Variants in CACNA1A observed in about 807,000 individuals in gnomAD.
CACNA1A encodes the protein voltage-dependent P/Q-type calcium channel subunit alpha-1A.
A neutral mutation model predicts 262.4 loss-of-function variants in CACNA1A; 57 were observed. The ratio of observed to expected loss-of-function variants is 0.22; its 90% CI spans 0.18 to 0.27. The LOEUF is 0.27. Among genes scored for constraint, CACNA1A ranks in the 10% least tolerant of loss-of-function variants. The probability of loss-of-function intolerance (pLI) is 1.00; values close to 1 mark genes in which losing one functional copy is unlikely to be tolerated. For missense variants in CACNA1A, 2,526 were observed against 3,562.8 expected (o/e 0.71, Z 7.41); for synonymous variants, 1,431 against 1,419.3 (o/e 1.01, Z -0.18).
intron 3 of CACNA1A, among the ~76,000 whole-genome samples, chr19:13,430,320 C>G (rs533296750): frequency 2.0e-5 from 3 of 152,214 alleles, no homozygotes; most frequent in African/African-American, 7.2e-5. Context: ...GATTCTCCTG[C>G]CTCAGCCTCT....
chr19:13,477,203 C>T (rs1978653757), intron 1 of CACNA1A, among the ~76,000 whole-genome samples: 1 of 152,226 alleles, frequency 6.6e-6, no homozygotes, highest in African/African-American at 2.4e-5. Flanking sequence ...ACAGCTTCCT[C>T]AAGTCTTGGC....
At chr19:13,498,607 G>A (rs1174705173) in intron 1 of CACNA1A, among the ~76,000 whole-genome samples, 2 of 152,194 alleles carry the variant, frequency 1.3e-5, no homozygotes, top group East Asian at 1.9e-4. Context: ...TGACCGAAGC[G>A]AGATGTCAAA....
At chr19:13,464,345 G>C (rs1159410443) in intron 1 of CACNA1A, among the ~76,000 whole-genome samples, 1 of 152,108 alleles carries the variant, frequency 6.6e-6, no homozygotes, top group African/African-American at 2.4e-5. Flanking sequence ...GCTGCATTGA[G>C]CTATGATCAT....
intron 17 of CACNA1A, among the ~76,000 whole-genome samples, chr19:13,302,248 G>T (rs998546170): frequency 6.6e-6 from 1 of 152,122 alleles, no homozygotes; most frequent in Non-Finnish European, 1.5e-5. Context: ...TTTCTCTGTT[G>T]TGTTTATCAC....
intron 34 of CACNA1A, chr19:13,234,676 A>C: frequency 2.0e-6 from 1 of 507,118 alleles, no homozygotes; most frequent in Non-Finnish European, 3.6e-6. Context: ...GGCCACCCCC[A>C]CACCAGAAAA....
chr19:13,499,019 T>A (rs988509860), intron 1 of CACNA1A, among the ~76,000 whole-genome samples: 1 of 152,078 alleles, frequency 6.6e-6, no homozygotes, highest in African/African-American at 2.4e-5. Flanking sequence ...TTTTTCCTAT[T>A]TTTTTAGGGA....
intron 3 of CACNA1A, among the ~76,000 whole-genome samples, chr19:13,415,300 T>C (rs2060201374): frequency 6.6e-6 from 1 of 152,004 alleles, no homozygotes; most frequent in Admixed American, 6.6e-5. Context: ...ACGCAATCCC[T>C]GCATATTTTT....
At chr19:13,416,196 G>A (rs964218850) in intron 3 of CACNA1A, among the ~76,000 whole-genome samples, 3 of 152,146 alleles carry the variant, frequency 2.0e-5, no homozygotes, top group African/African-American at 7.2e-5. Context: ...GACCTCTTGG[G>A]CTCAAGCGAT....
intron 3 of CACNA1A, among the ~76,000 whole-genome samples, chr19:13,407,586 T>A (rs545334967): frequency 1.3e-5 from 2 of 152,344 alleles, no homozygotes; most frequent in Non-Finnish European, 1.5e-5. Flanking sequence ...TTGTAATGAC[T>A]TCATAACACG....
intron 6 of CACNA1A, among the ~76,000 whole-genome samples, chr19:13,358,025 A>T (rs2059037672): frequency 6.6e-6 from 1 of 151,988 alleles, no homozygotes; most frequent in South Asian, 2.1e-4. Flanking sequence ...CAAAACAAAA[A>T]TCTTCCCCAA....
intron 23 of CACNA1A, 28 bp from the exon 24 acceptor site, chr19:13,275,984 A>G (rs775026771): frequency 1.4e-6 from 2 of 1,481,376 alleles, no homozygotes; most frequent in Admixed American, 3.4e-5. Flanking sequence ...GGGTGCTCAG[A>G]ACCCCCACCT....
intron 6 of CACNA1A, among the ~76,000 whole-genome samples, chr19:13,348,704 T>C (rs910033812): frequency 4.9e-4 from 75 of 151,936 alleles, no homozygotes; most frequent in Non-Finnish European, 1.5e-4. Flanking sequence ...GGCGTGTTGG[T>C]GCATGCCTGT....
chr19:13,490,865 A>AAAGGAAGGAAAGGAGG (rs200378005), intron 1 of CACNA1A, among the ~76,000 whole-genome samples: 6 of 147,212 alleles, frequency 4.1e-5, no homozygotes, highest in Admixed American at 6.8e-5. Flanking sequence ...AAGAGAAAGG[A>AAAGGAAGGAAAGGAGG]AAGGAAGGAA....
chr19:13,261,899 T>C (rs1250578605), intron 25 of CACNA1A: 5 of 316,728 alleles, frequency 1.6e-5, no homozygotes, highest in Non-Finnish European at 2.9e-5. Flanking sequence ...AGTTACTTCC[T>C]TTCCAACTCT....
At position 13,286,566 on chromosome 19, in the gene CACNA1A, C is replaced by A. The variant is rs775838621; in HGVS notation, c.3490G>T (p.Asp1164Tyr). ...TNSAKTARKP[D>Y]HTTVDIPPAC... ...GGGGGGATGTCCACTGTGGTGTGGT[C>A]GGGTTTCCTGGCAGTCTTAGCTGAA... The change falls in exon 20 of 47, where the codon GAC becomes TAC. Residue 1164 changes from aspartate (D) to tyrosine (Y), a missense_variant. Around this residue, in one of 17 missense-constraint regions of CACNA1A, gnomAD observed 765 missense variants for 748.6 expected, o/e 1.02. Transcript: ENST00000360228. 6.5e-7 allele frequency: 1 copy of A among 1,544,236 alleles called. No individual in the cohort carries two copies. Among genetic ancestry groups the A allele is most frequent in the Non-Finnish European group, 8.7e-7 (1 of 1,150,700 alleles).
intron 3 of CACNA1A, among the ~76,000 whole-genome samples, chr19:13,418,941 T>G (rs937828375): frequency 3.3e-5 from 5 of 152,214 alleles, no homozygotes; most frequent in Admixed American, 3.3e-4. Flanking sequence ...TCACCCAGGC[T>G]GGAGTGCAGT....
intron 34 of CACNA1A, among the ~76,000 whole-genome samples, chr19:13,232,942 G>A (rs1237350460): frequency 1.3e-5 from 2 of 151,284 alleles, no homozygotes; most frequent in Non-Finnish European, 1.5e-5. Context: ...TCAGCTACTC[G>A]GGAGGCTGAG....
At chr19:13,339,291 T>C (rs2058634431) in intron 6 of CACNA1A, among the ~76,000 whole-genome samples, 1 of 152,274 alleles carries the variant, frequency 6.6e-6, no homozygotes, top group South Asian at 2.1e-4. Context: ...GAAAATCCTG[T>C]ATGATTCCAT....
At chr19:13,400,176 T>C (rs879825637) in intron 3 of CACNA1A, among the ~76,000 whole-genome samples, 1 of 152,116 alleles carries the variant, frequency 6.6e-6, no homozygotes, top group Non-Finnish European at 1.5e-5. Context: ...CACTGAGCAC[T>C]GGCACACACA....
Sources: allele counts gnomAD v4.1 joint callset (sites outside exome capture counted in the v4.1 genomes callset), GRCh38; gene constraint gnomAD v4.1.1; regional missense constraint gnomAD v4.1.1; transcripts MANE v1.5; gene names NCBI Gene and HGNC (gene_info 2026-07-23, HGNC 2026-07-21).